The following STAT1 variants were observed in gnomAD, a reference collection of about 807,000 sequenced individuals.
STAT1 encodes signal transducer and activator of transcription 1.
STAT1 carries 24 observed loss-of-function variants against 111.7 expected under a neutral mutation model. That is an observed-to-expected ratio of 0.21 (90% CI 0.16 to 0.30). The LOEUF (loss-of-function observed/expected upper bound fraction) is 0.30, where lower values mean the gene tolerates loss of function less well. STAT1 is among the 10% of genes least tolerant of loss of function. The pLI is 1.00. For synonymous variants in STAT1, 332 were observed against 326.5 expected (o/e 1.02, Z -0.18); for missense variants, 351 against 911.9 (o/e 0.38, Z 7.92).
rs1559017073 is a variant in STAT1 at position 190,994,930 on chromosome 2, ATATATATATAT to A, written c.944+120_944+130del. On this transcript the variant is annotated intron_variant, in intron 10 of 24. Coordinates refer to ENST00000361099, the MANE Select transcript of STAT1 (RefSeq NM_007315.4). ...ACTCTATCTCAAAAAAAAAAAAAAT[ATATATATATAT>A]ATATATATATATATATAAAAAACAC... The A allele has an allele frequency of 2.5e-3, 280 of 110,782 alleles. 5 individuals carry two copies. Among genetic ancestry groups the A allele is most frequent in the Middle Eastern group, 0.012 (3 of 242 alleles). The allele number at this position is 110,782 out of a possible 1,614,324, so 6.9% of individuals were successfully genotyped here.
rs762486051 is a variant in STAT1 at position 190,975,052 on chromosome 2, G to A, written c.2136-120C>T. 48 of 855,336 alleles carry A rather than the reference G, an allele frequency of 5.6e-5. No homozygotes were observed. The highest frequency in any genetic ancestry group is 9.3e-5 in the Non-Finnish European group (48 of 514,516). The allele number at this position is 855,336 out of a possible 1,614,324, so 53.0% of individuals were successfully genotyped here. A position where few individuals can be genotyped will look rare whatever the true frequency, so the allele number is the denominator to read the frequency against. ...TTATCACGTTATATTTTTATTTTGGGTAAGTGCATACACTTGTAAAATACA... is the reference window on the plus strand; with the variant it reads ...TTATCACGTTATATTTTTATTTTGGATAAGTGCATACACTTGTAAAATACA... On this transcript the variant is annotated intron_variant, in intron 23 of 24. Coordinates refer to ENST00000361099, the MANE Select transcript of STAT1 (RefSeq NM_007315.4). The surrounding 1 kb of genome is among the most constrained non-coding windows in gnomAD (Gnocchi z 5.9).
chr2:190,982,325 G>A lies in STAT1; in HGVS notation c.1582+58C>T. 6.3e-7 allele frequency: 1 copy of A among 1,592,482 alleles called. No individual in the cohort carries two copies. The highest frequency in any genetic ancestry group is 8.6e-7 in the Non-Finnish European group (1 of 1,160,912). ...ATAGCAGAGGGGAAAAGAGCAATTAGAGAGATATTTTTATGAATTTCAATT... is the reference window on the plus strand; with the variant it reads ...ATAGCAGAGGGGAAAAGAGCAATTAAAGAGATATTTTTATGAATTTCAATT... On this transcript the variant is annotated intron_variant, in intron 18 of 24. Coordinates refer to ENST00000361099, the MANE Select transcript of STAT1 (RefSeq NM_007315.4). This position sits in a 1 kb window ranked among gnomAD's most constrained non-coding sequence, Gnocchi z 7.3.
At position 191,014,122 on chromosome 2, in the gene STAT1, C is replaced by T. The variant is rs560084350; in HGVS notation, c.-260G>A. ...GGTCTGGGGTCTGCCAGGCGCGATCCCCCCGGTGCAGCCGAGCCCCTCCGC... is the reference window on the plus strand; with the variant it reads ...GGTCTGGGGTCTGCCAGGCGCGATCTCCCCGGTGCAGCCGAGCCCCTCCGC... On this transcript the variant is annotated 5_prime_UTR_variant, in exon 1 of 25. Transcript: ENST00000361099. 6.4e-6 allele frequency: 1 copy of T among 156,278 alleles called. No homozygotes were observed. Among genetic ancestry groups the T allele is most frequent in the African/African-American group, 2.4e-5 (1 of 41,630 alleles). The allele number at this position is 156,278 out of a possible 1,614,324, so 9.7% of individuals were successfully genotyped here.
chr2:190,976,103 G>A lies in STAT1; in HGVS notation c.2060-216C>T, dbSNP rs1228324993. On this transcript the variant is annotated intron_variant, in intron 22 of 24. Coordinates refer to ENST00000361099, the MANE Select transcript of STAT1 (RefSeq NM_007315.4). The surrounding 1 kb of genome is among the most constrained non-coding windows in gnomAD (Gnocchi z 6.0). Reference sequence around the variant, plus strand: ...GGATCTGAATTCAGTCTGGAAATAAGCTAGTGTTCAGCAGGACACTAGCTA... The same window carrying A: ...GGATCTGAATTCAGTCTGGAAATAAACTAGTGTTCAGCAGGACACTAGCTA... Among the ~76,000 whole-genome samples the A allele has an allele frequency of 6.6e-6, 1 of 152,184 alleles. No individual in the cohort carries two copies. The highest frequency in any genetic ancestry group is 1.5e-5 in the Non-Finnish European group (1 of 68,020).
In STAT1 at chr2:190,970,887, T is replaced by C. The variant is rs996883009; in HGVS notation, c.2239-170A>G. 1.3e-5 allele frequency among the ~76,000 whole-genome samples: 2 copies of C among 152,266 alleles called. No homozygotes were observed. Among genetic ancestry groups the C allele is most frequent in the Non-Finnish European group, 1.5e-5 (1 of 68,048 alleles). ...CTTCAGCATGTACTATGTATTATCC[T>C]GGGCTAATCAAGACCTTTTATATCA... On this transcript the variant is annotated intron_variant, in intron 24 of 24. Coordinates refer to ENST00000361099, the MANE Select transcript of STAT1 (RefSeq NM_007315.4). This position sits in a 1 kb window ranked among gnomAD's most constrained non-coding sequence, Gnocchi z 5.4.
chr2:190,997,791 G>A lies in STAT1; in HGVS notation c.785+65C>T. The A allele has an allele frequency of 1.9e-6, 3 of 1,608,160 alleles. No homozygotes were observed. Among genetic ancestry groups the A allele is most frequent in the Non-Finnish European group, 2.5e-6 (3 of 1,176,712 alleles). On this transcript the variant is annotated intron_variant, in intron 9 of 24. Transcript: ENST00000361099. This position sits in a 1 kb window ranked among gnomAD's most constrained non-coding sequence, Gnocchi z 7.3. ...GTCCATTCAACTAACACAGCTCAAAGGTACATTTATGTGTTTATGTGGTTA... is the reference window on the plus strand; with the variant it reads ...GTCCATTCAACTAACACAGCTCAAAAGTACATTTATGTGTTTATGTGGTTA...
At position 190,999,222 on chromosome 2, in the gene STAT1, T is replaced by C. The variant is rs556110259; in HGVS notation, c.541+404A>G. On this transcript the variant is annotated intron_variant, in intron 7 of 24. Coordinates refer to ENST00000361099, the MANE Select transcript of STAT1 (RefSeq NM_007315.4). The surrounding 1 kb of genome is among the most constrained non-coding windows in gnomAD (Gnocchi z 4.1). ...TATTAGGGCAGGGGAACTCCACATA[T>C]CTATCGCTCTGTGTCAGTCAGTGGG... 3.9e-5 allele frequency among the ~76,000 whole-genome samples: 6 copies of C among 152,304 alleles called. No homozygotes were observed. Among genetic ancestry groups the C allele is most frequent in the African/African-American group, 1.2e-4 (5 of 41,566 alleles).
intron 4 of STAT1, among the ~76,000 whole-genome samples, chr2:191,008,246 A>AC (rs915385395): frequency 6.6e-6 from 1 of 152,014 alleles, no homozygotes; most frequent in Non-Finnish European, 1.5e-5. Flanking sequence ...AAAGGAAAAA[A>AC]AACAACTTCC....
Position 191,001,034 on chromosome 2 carries a change from A to G in STAT1, c.462+40T>C, listed in dbSNP as rs371733951. On this transcript the variant is annotated intron_variant, in intron 6 of 24. Coordinates refer to ENST00000361099, the MANE Select transcript of STAT1 (RefSeq NM_007315.4). ...AATTGAAACCTTTTTTCCCCTACAG[A>G]AAGTTTCAGAATAAATGCATGTGTT... 1.2e-4 allele frequency: 175 copies of G among 1,503,892 alleles called. No homozygotes were observed. The Middle Eastern group carries it at 7.5e-3, about 65-fold the overall frequency. 93.2% of individuals were successfully genotyped at this position (1,503,892 alleles called of 1,614,324 possible).
chr2:190,992,770 G>T, intron 10 of STAT1: 7 of 637,380 alleles, frequency 1.1e-5, no homozygotes, highest in Non-Finnish European at 1.7e-5. Flanking sequence ...ATGGAACACA[G>T]TTCTACATTC....
rs1211603521 is a variant in STAT1 at position 190,999,714 on chromosome 2, A to G, written c.463-10T>C. On this transcript the variant is annotated splice_polypyrimidine_tract_variant and intron_variant, in intron 6 of 24. Coordinates refer to ENST00000361099, the MANE Select transcript of STAT1 (RefSeq NM_007315.4). This position sits in a 1 kb window ranked among gnomAD's most constrained non-coding sequence, Gnocchi z 4.1. Reference sequence around the variant, plus strand: ...TTTCATGCTCTATACACTACAAACAAAGATGTAAACATGTTTTCTACTGAT... The same window carrying G: ...TTTCATGCTCTATACACTACAAACAGAGATGTAAACATGTTTTCTACTGAT... The G allele has an allele frequency of 6.2e-7, 1 of 1,601,478 alleles. No homozygotes were observed. Among genetic ancestry groups the G allele is most frequent in the South Asian group, 1.1e-5 (1 of 90,820 alleles).
At position 191,000,735 on chromosome 2, in the gene STAT1, G is replaced by A. The variant is rs1185206773; in HGVS notation, c.462+339C>T. On this transcript the variant is annotated intron_variant, in intron 6 of 24. Coordinates refer to ENST00000361099, the MANE Select transcript of STAT1 (RefSeq NM_007315.4). The surrounding 1 kb of genome is among the most constrained non-coding windows in gnomAD (Gnocchi z 4.8). ...GGGAAGGATGGGCCATGTTTATCCT[G>A]GGGCACTGTGATTTGAGAGGTGTGG... Among the ~76,000 whole-genome samples, 1 of 152,164 alleles carries A rather than the reference G, an allele frequency of 6.6e-6. No individual in the cohort carries two copies. Among genetic ancestry groups the A allele is most frequent in the African/African-American group, 2.4e-5 (1 of 41,420 alleles).
rs545742697 is a variant in STAT1 at position 191,013,626 on chromosome 2, G to A, written c.-103C>T. The A allele has an allele frequency of 1.0e-5, 4 of 398,646 alleles. No individual in the cohort carries two copies. The South Asian group carries it at 3.8e-4, about 38-fold the overall frequency. The allele number at this position is 398,646 out of a possible 1,614,324, so 24.7% of individuals were successfully genotyped here. On this transcript the variant is annotated 5_prime_UTR_variant, in exon 2 of 25. Coordinates refer to ENST00000361099, the MANE Select transcript of STAT1 (RefSeq NM_007315.4). ...ACTGTCGAGGTTATATACACAGAGT[G>A]CGAACGTTAACCTAGACAGCTCTCG...
chr2:190,971,275 G>T lies in STAT1; in HGVS notation c.2239-558C>A, dbSNP rs1691442163. On this transcript the variant is annotated intron_variant, in intron 24 of 24. Transcript: ENST00000361099. This position sits in a 1 kb window ranked among gnomAD's most constrained non-coding sequence, Gnocchi z 4.1. ...CTGTTCATCCAAAGGATACTAGCCT[G>T]CCAGTGACTTCCTGTCTGACTTCCA... Among the ~76,000 whole-genome samples, 1 of 152,178 alleles carries T rather than the reference G, an allele frequency of 6.6e-6. No homozygotes were observed. The highest frequency in any genetic ancestry group is 2.4e-5 in the African/African-American group (1 of 41,442).
intron 5 of STAT1, among the ~76,000 whole-genome samples, chr2:191,005,608 C>T (rs887440382): frequency 6.6e-6 from 1 of 152,120 alleles, no homozygotes; most frequent in African/African-American, 2.4e-5. Flanking sequence ...GGTTATACCA[C>T]CTGGGTTTGT....
Position 190,999,766 on chromosome 2 carries a change from C to T in STAT1, c.463-62G>A, listed in dbSNP as rs879232397. 2 of 1,175,356 alleles carry T rather than the reference C, an allele frequency of 1.7e-6. No homozygotes were observed. The highest frequency in any genetic ancestry group is 2.5e-5 in the South Asian group (2 of 80,918). The allele number at this position is 1,175,356 out of a possible 1,614,324, so 72.8% of individuals were successfully genotyped here. ...AGCAACTTCCAAAGACTTTAGGCAA[C>T]AGAGTATTGCTTCTATGGAACCCAG... On this transcript the variant is annotated intron_variant, in intron 6 of 24. Coordinates refer to ENST00000361099, the MANE Select transcript of STAT1 (RefSeq NM_007315.4). This position sits in a 1 kb window ranked among gnomAD's most constrained non-coding sequence, Gnocchi z 4.1.
chr2:190,985,897 C>G (rs1030184009), intron 14 of STAT1, among the ~76,000 whole-genome samples: 1 of 152,236 alleles, frequency 6.6e-6, no homozygotes, highest in Non-Finnish European at 1.5e-5. Context: ...TCACAACCCG[C>G]TCCTCTCCTG....
chr2:190,989,352 A>G lies in STAT1; in HGVS notation c.1097+263T>C, dbSNP rs146122327. On this transcript the variant is annotated intron_variant, in intron 12 of 24. Coordinates refer to ENST00000361099, the MANE Select transcript of STAT1 (RefSeq NM_007315.4). The surrounding 1 kb of genome is among the most constrained non-coding windows in gnomAD (Gnocchi z 5.0). Reference sequence around the variant, plus strand: ...ATACCAGCTCCAGGGGAAGCTCCCAACATCCACCAAGGGAGCTGCTGATTT... The same window carrying G: ...ATACCAGCTCCAGGGGAAGCTCCCAGCATCCACCAAGGGAGCTGCTGATTT... Among the ~76,000 whole-genome samples the G allele has an allele frequency of 3.0e-4, 46 of 152,332 alleles. No homozygotes were observed. Among genetic ancestry groups the G allele is most frequent in the African/African-American group, 1.1e-3 (44 of 41,582 alleles).
In STAT1 at chr2:190,979,917, T is replaced by C; in HGVS notation, c.1633-51A>G. ...ATGAACAAAAATCTAAAACAATGAC[T>C]TACCATGGCCCCTCCCACCATCATT... On this transcript the variant is annotated intron_variant, in intron 19 of 24. Transcript: ENST00000361099. This position sits in a 1 kb window ranked among gnomAD's most constrained non-coding sequence, Gnocchi z 5.8. 3.2e-6 allele frequency: 4 copies of C among 1,253,388 alleles called. No individual in the cohort carries two copies. The highest frequency in any genetic ancestry group is 4.7e-6 in the Non-Finnish European group (4 of 858,578). The allele number at this position is 1,253,388 out of a possible 1,614,324, so 77.6% of individuals were successfully genotyped here.
Sources: allele counts gnomAD v4.1 joint callset (sites outside exome capture counted in the v4.1 genomes callset), GRCh38; gene constraint gnomAD v4.1.1; non-coding constraint Gnocchi (gnomAD v3.1); transcripts MANE v1.5; gene names NCBI Gene and HGNC (gene_info 2026-07-23, HGNC 2026-07-21).